TMEM132D: variants seen among roughly 807,000 people sequenced by gnomAD.
TMEM132D encodes mature OL transmembrane protein.
Under a neutral mutation model 62.3 loss-of-function variants are expected in TMEM132D, and 21 were observed. The ratio of observed to expected loss-of-function variants is 0.34; its 90% CI spans 0.24 to 0.49. The LOEUF is 0.49. Ranked by LOEUF, TMEM132D falls within the 20% of genes least tolerant of loss-of-function variation. The pLI, the probability that TMEM132D is intolerant of heterozygous loss-of-function variation, is 0.99. For missense variants in TMEM132D, 1,346 were observed against 1,402.8 expected, an observed-to-expected ratio of 0.96 and a Z score of 0.65; for synonymous variants, 621 against 575.6, an observed-to-expected ratio of 1.08 and a Z score of -1.13.
chr12:129,419,039 C>T (rs1872217714), intron 3 of TMEM132D, among the ~76,000 whole-genome samples: 1 of 152,194 alleles, frequency 6.6e-6, no homozygotes, highest in Non-Finnish European at 1.5e-5. Context: ...CCCGCTGACA[C>T]CTTGATTTCA....
chr12:129,843,399 G>A (rs1332856529), intron 1 of TMEM132D, among the ~76,000 whole-genome samples: 3 of 151,982 alleles, frequency 2.0e-5, no homozygotes, highest in Non-Finnish European at 2.9e-5. Context: ...TTTATGACAC[G>A]ATTCCACCCC....
At chr12:129,747,215 T>TCTCCCTCCTCCCGCTCCTTCTCCCTCCTC (rs1555229164) in intron 1 of TMEM132D, among the ~76,000 whole-genome samples, 1 of 26,172 alleles carries the variant, frequency 3.8e-5, no homozygotes. Flanking sequence ...TACTCCTCCT[T>TCTCCCTCCTCCCGCTCCTTCTCCCTCCTC]CCAGCCACCC....
chr12:129,358,903 C>A (rs2135673132), intron 3 of TMEM132D, among the ~76,000 whole-genome samples: 1 of 151,630 alleles, frequency 6.6e-6, no homozygotes, highest in South Asian at 2.1e-4. Context: ...ACCCAGAGGG[C>A]TTGGGATTGA....
intron 5 of TMEM132D, among the ~76,000 whole-genome samples, chr12:129,196,092 A>G (rs1008941387): frequency 7.9e-5 from 12 of 152,086 alleles, no homozygotes; most frequent in African/African-American, 2.9e-4. Context: ...GCGCCACTGC[A>G]CTCCAACCTG....
In TMEM132D at chr12:129,371,832, C is replaced by T. The variant is rs1870613120; in HGVS notation, c.1116-34015G>A. Reference sequence around the variant, plus strand: ...GAGACTTTCCAAGTCTTGTCTGTCCCCATGTTTCTTGCTGTGTCACATCCA... The same window carrying T: ...GAGACTTTCCAAGTCTTGTCTGTCCTCATGTTTCTTGCTGTGTCACATCCA... On this transcript the variant is annotated intron_variant, in intron 3 of 8. Coordinates refer to ENST00000422113, the MANE Select transcript of TMEM132D (RefSeq NM_133448.3). The surrounding 1 kb of genome is among the most constrained non-coding windows in gnomAD (Gnocchi z 4.3). Among the ~76,000 whole-genome samples, 1 of 152,072 alleles carries T rather than the reference C, an allele frequency of 6.6e-6. No homozygotes were observed. The highest frequency in any genetic ancestry group is 1.5e-5 in the Non-Finnish European group (1 of 68,028).
At chr12:129,654,748 T>A (rs1489391340) in intron 2 of TMEM132D, among the ~76,000 whole-genome samples, 1 of 152,166 alleles carries the variant, frequency 6.6e-6, no homozygotes, top group Non-Finnish European at 1.5e-5. Context: ...TATTTAGGGC[T>A]TCTCCTTTTT....
chr12:129,292,676 T>C (rs1195672915), intron 4 of TMEM132D, among the ~76,000 whole-genome samples: 4 of 152,180 alleles, frequency 2.6e-5, no homozygotes, highest in African/African-American at 9.7e-5. Context: ...GTGCAATTGA[T>C]AATATTGAAG....
chr12:129,096,954 C>T (rs576767977), intron 5 of TMEM132D, among the ~76,000 whole-genome samples: 1 of 72,954 alleles, frequency 1.4e-5, no homozygotes, highest in African/African-American at 9.6e-5. Context: ...TCCTCAAAAC[C>T]GTCCATGTGG....
chr12:129,433,237 TAAAC>T (rs1310536418), intron 3 of TMEM132D, among the ~76,000 whole-genome samples: 5 of 152,200 alleles, frequency 3.3e-5, no homozygotes, highest in Admixed American at 3.3e-4. Flanking sequence ...ATGTCTTTGG[TAAAC>T]AAACATACAC....
chr12:129,765,401 T>C (rs6486504), intron 1 of TMEM132D, among the ~76,000 whole-genome samples: 143,870 of 151,980 alleles, frequency 0.95, 68,380 homozygotes, highest in Non-Finnish European at 1. Context: ...ACCCCATCTC[T>C]ACTAAAAACA....
Position 129,268,503 on chromosome 12 carries a change from T to G in TMEM132D, c.1300-58840A>C, listed in dbSNP as rs1022077353. Among the ~76,000 whole-genome samples the G allele has an allele frequency of 1.5e-4, 23 of 152,266 alleles. No individual in the cohort carries two copies. The Middle Eastern group carries it at 0.01, about 68-fold the overall frequency. ...CAATGAGATACCATCTCACACCAGTTAGAATGGCAATCATTAAAAAGTCAG... is the reference window on the plus strand; with the variant it reads ...CAATGAGATACCATCTCACACCAGTGAGAATGGCAATCATTAAAAAGTCAG... On this transcript the variant is annotated intron_variant, in intron 4 of 8. Coordinates refer to ENST00000422113, the MANE Select transcript of TMEM132D (RefSeq NM_133448.3).
intron 3 of TMEM132D, among the ~76,000 whole-genome samples, chr12:129,410,349 T>TTTTGTTTG (rs59366781): frequency 2.3e-3 from 352 of 150,500 alleles, no homozygotes; most frequent in African/African-American, 6.2e-3. Flanking sequence ...GAAAAAAAGG[T>TTTTGTTTG]TTTGTTTGTT....
At chr12:129,264,184 T>C (rs1412147816) in intron 4 of TMEM132D, among the ~76,000 whole-genome samples, 2 of 151,976 alleles carry the variant, frequency 1.3e-5, no homozygotes, top group Non-Finnish European at 2.9e-5. Context: ...AGGCCAGGAG[T>C]TCGAGACCAG....
At chr12:129,897,067 T>C (rs1875164405) in intron 1 of TMEM132D, among the ~76,000 whole-genome samples, 2 of 152,232 alleles carry the variant, frequency 1.3e-5, no homozygotes, top group South Asian at 4.1e-4. Flanking sequence ...CGGAAGCACC[T>C]AGCCTCTGAC....
chr12:129,884,511 G>T (rs917866495), intron 1 of TMEM132D, among the ~76,000 whole-genome samples: 1 of 152,264 alleles, frequency 6.6e-6, no homozygotes, highest in Non-Finnish European at 1.5e-5. Flanking sequence ...CACACTAAAT[G>T]CCACTCAACA....
At chr12:129,552,269 A>C (rs1197295110) in intron 2 of TMEM132D, among the ~76,000 whole-genome samples, 1 of 117,786 alleles carries the variant, frequency 8.5e-6, no homozygotes, top group East Asian at 2.7e-4. Context: ...AAAATCTAAC[A>C]TATTGTCTAC....
intron 2 of TMEM132D, among the ~76,000 whole-genome samples, chr12:129,607,502 C>T (rs1878658724): frequency 6.6e-6 from 1 of 152,196 alleles, no homozygotes; most frequent in Non-Finnish European, 1.5e-5. Context: ...CAAGCCTCCA[C>T]TATAAATTCA....
intron 5 of TMEM132D, among the ~76,000 whole-genome samples, chr12:129,150,262 T>G (rs1877033031): frequency 6.6e-6 from 1 of 152,106 alleles, no homozygotes; most frequent in South Asian, 2.1e-4. Flanking sequence ...GGAGGAGAAG[T>G]CACTCCAGCT....
At chr12:129,152,763 G>C (rs1872715) in intron 5 of TMEM132D, among the ~76,000 whole-genome samples, 31,297 of 152,102 alleles carry the variant, frequency 0.21, 3,367 homozygotes, top group Admixed American at 0.26. Context: ...CCTCACGTTC[G>C]TTTCTCTCCC....
Sources: allele counts gnomAD v4.1 joint callset (sites outside exome capture counted in the v4.1 genomes callset), GRCh38; gene constraint gnomAD v4.1.1; non-coding constraint Gnocchi (gnomAD v3.1); transcripts MANE v1.5; gene names NCBI Gene and HGNC (gene_info 2026-07-23, HGNC 2026-07-21).